The following GALNT17 variants were observed in gnomAD, a reference collection of about 807,000 sequenced individuals.
GALNT17 encodes polypeptide N-acetylgalactosaminyltransferase 17.
GALNT17 carries 29 observed loss-of-function variants against 63.7 expected under a neutral mutation model. The ratio of observed to expected loss-of-function variants is 0.46; its 90% confidence interval spans 0.34 to 0.62. The LOEUF is 0.62. Among genes scored for constraint, GALNT17 ranks in the 20% least tolerant of loss-of-function variants. The pLI is 0.01. For synonymous variants in GALNT17, 305 were observed against 318.3 expected, an observed-to-expected ratio of 0.96 and a Z score of 0.45; for missense variants, 603 against 799.6, an observed-to-expected ratio of 0.75 and a Z score of 2.97.
At chr7:71,514,003 G>A (rs1227090659) in intron 5 of GALNT17, among the ~76,000 whole-genome samples, 1 of 152,058 alleles carries the variant, frequency 6.6e-6, no homozygotes, top group Non-Finnish European at 1.5e-5. Flanking sequence ...ACCAGCCTGG[G>A]CAATACAGCA....
intron 1 of GALNT17, among the ~76,000 whole-genome samples, chr7:71,235,305 G>GAATC (rs1213853369): frequency 6.6e-6 from 1 of 151,986 alleles, no homozygotes; most frequent in Non-Finnish European, 1.5e-5. Flanking sequence ...CCGTGGTTGA[G>GAATC]AATCAGACCC....
intron 5 of GALNT17, among the ~76,000 whole-genome samples, chr7:71,555,751 A>G (rs1278369447): frequency 2.0e-5 from 3 of 152,150 alleles, no homozygotes; most frequent in Admixed American, 1.3e-4. Context: ...CGTTGATCCT[A>G]AGGTGAGCCA....
chr7:71,673,140 C>T (rs1791096737), intron 8 of GALNT17, among the ~76,000 whole-genome samples: 1 of 152,038 alleles, frequency 6.6e-6, no homozygotes, highest in Non-Finnish European at 1.5e-5. Context: ...CAATTTGAGC[C>T]ACATGTATTA....
chr7:71,302,268 G>A (rs1024486982), intron 1 of GALNT17, among the ~76,000 whole-genome samples: 1 of 152,100 alleles, frequency 6.6e-6, no homozygotes, highest in African/African-American at 2.4e-5. Context: ...CTAGGTGATG[G>A]GTTGATAGTT....
At chr7:71,282,412 G>A (rs1790793853) in intron 1 of GALNT17, among the ~76,000 whole-genome samples, 1 of 152,354 alleles carries the variant, frequency 6.6e-6, no homozygotes, top group African/African-American at 2.4e-5. Context: ...AATGCAGAGA[G>A]AGAAGGGAAA....
intron 2 of GALNT17, among the ~76,000 whole-genome samples, chr7:71,370,737 G>A (rs1242025055): frequency 6.6e-6 from 1 of 151,730 alleles, no homozygotes; most frequent in Non-Finnish European, 1.5e-5. Flanking sequence ...CAAAGTGCTG[G>A]GATTACAGGT....
intron 5 of GALNT17, among the ~76,000 whole-genome samples, chr7:71,522,352 T>A (rs1321661108): frequency 6.6e-6 from 1 of 152,208 alleles, no homozygotes; most frequent in South Asian, 2.1e-4. Flanking sequence ...GATAAAGACA[T>A]ACCGAAGACT....
At chr7:71,483,753 T>A (rs1355961152) in intron 5 of GALNT17, among the ~76,000 whole-genome samples, 1 of 152,194 alleles carries the variant, frequency 6.6e-6, no homozygotes, top group Non-Finnish European at 1.5e-5. Context: ...AAGGTTCTAA[T>A]TTTTTGTAAA....
intron 1 of GALNT17, among the ~76,000 whole-genome samples, chr7:71,149,750 C>T (rs958852516): frequency 7.2e-5 from 11 of 152,184 alleles, no homozygotes; most frequent in Non-Finnish European, 7.3e-5. Flanking sequence ...GACAAGTGCA[C>T]GTTGTCAATT....
chr7:71,228,106 G>GGT (rs141707777), intron 1 of GALNT17, among the ~76,000 whole-genome samples: 2 of 151,906 alleles, frequency 1.3e-5, no homozygotes, highest in East Asian at 1.9e-4. Context: ...GGACTTGCTT[G>GGT]GTGTGTGTGT....
intron 1 of GALNT17, among the ~76,000 whole-genome samples, chr7:71,282,759 G>A (rs1182188901): frequency 2.0e-5 from 3 of 151,912 alleles, no homozygotes; most frequent in Admixed American, 6.6e-5. Context: ...AAGCAGATAT[G>A]GTAGGGGGAG....
intron 1 of GALNT17, among the ~76,000 whole-genome samples, chr7:71,322,426 C>A (rs892080077): frequency 6.6e-6 from 1 of 152,128 alleles, no homozygotes; most frequent in Non-Finnish European, 1.5e-5. Flanking sequence ...GCACTTCAAG[C>A]GTCTAACAAT....
chr7:71,236,830 T>C (rs1415527786), intron 1 of GALNT17, among the ~76,000 whole-genome samples: 1 of 151,970 alleles, frequency 6.6e-6, no homozygotes, highest in East Asian at 1.9e-4. Flanking sequence ...TGGGAGAAAA[T>C]AATAATCTAA....
At chr7:71,509,078 C>T (rs1788312042) in intron 5 of GALNT17, among the ~76,000 whole-genome samples, 1 of 152,208 alleles carries the variant, frequency 6.6e-6, no homozygotes, top group Non-Finnish European at 1.5e-5. Context: ...GATTTTCCCA[C>T]TTTGCAAGGG....
At chr7:71,624,003 G>A (rs1790334935) in intron 6 of GALNT17, among the ~76,000 whole-genome samples, 1 of 152,162 alleles carries the variant, frequency 6.6e-6, no homozygotes, top group African/African-American at 2.4e-5. Flanking sequence ...GGAAGTCAAG[G>A]AAGCCAGGCA....
intron 6 of GALNT17, among the ~76,000 whole-genome samples, chr7:71,664,603 C>A (rs1256550071): frequency 1.3e-5 from 2 of 151,990 alleles, no homozygotes; most frequent in East Asian, 3.9e-4. Flanking sequence ...AGAGAGAGAC[C>A]CTGTCTCAAA....
chr7:71,273,113 C>T (rs1790622646), intron 1 of GALNT17, among the ~76,000 whole-genome samples: 1 of 151,990 alleles, frequency 6.6e-6, no homozygotes, highest in Non-Finnish European at 1.5e-5. Flanking sequence ...ATTTTATATG[C>T]ATATAATTCC....
At chr7:71,450,228 C>T (rs188645219) in intron 5 of GALNT17, among the ~76,000 whole-genome samples, 221 of 151,180 alleles carry the variant, frequency 1.5e-3, no homozygotes, top group African/African-American at 4.9e-3. Flanking sequence ...CTCTGCCTCT[C>T]GGGCTCAAGA....
chr7:71,132,678 C>A lies in GALNT17; in HGVS notation c.-125C>A. The A allele has an allele frequency of 1.3e-6, 1 of 761,642 alleles. No homozygotes were observed. Among genetic ancestry groups the A allele is most frequent in the Non-Finnish European group, 2.1e-6 (1 of 486,870 alleles). 47.2% of individuals were successfully genotyped at this position (761,642 alleles called of 1,614,324 possible). ...CCGCCCGAGCATCCTTGAGGTGGGA[C>A]GAGCAGGGGCTTGGATCCCTGCCGG... On this transcript the variant is annotated 5_prime_UTR_variant, in exon 1 of 11. Transcript: ENST00000333538.
Sources: allele counts gnomAD v4.1 joint callset (sites outside exome capture counted in the v4.1 genomes callset), GRCh38; gene constraint gnomAD v4.1.1; transcripts MANE v1.5; gene names NCBI Gene and HGNC (gene_info 2026-07-23, HGNC 2026-07-21).